KMT5A: variants seen among roughly 807,000 people sequenced by gnomAD.
KMT5A encodes lysine methyltransferase 5A.
In KMT5A, 6 loss-of-function variants were observed where a neutral mutation model predicts 40.6. That is an observed-to-expected ratio of 0.15 (90% confidence interval 0.08 to 0.29). KMT5A has a LOEUF of 0.29. Ranked by LOEUF, KMT5A falls within the 10% of genes least tolerant of loss-of-function variation. KMT5A has a pLI of 1.00. For synonymous variants in KMT5A, 153 were observed against 178.8 expected (o/e 0.86, Z 1.15); for missense variants, 308 against 459.1 (o/e 0.67, Z 3.01).
In KMT5A at chr12:123,400,464, A is replaced by C. The variant is rs566139403; in HGVS notation, c.598-3109A>C. On this transcript the variant is annotated intron_variant, in intron 5 of 7. Transcript: ENST00000402868. ...CAACCTCCACCTCCCAGGTTCAAGCAATTCTCCTGCCTCAACCTCCCAAGT... is the reference window on the plus strand; with the variant it reads ...CAACCTCCACCTCCCAGGTTCAAGCCATTCTCCTGCCTCAACCTCCCAAGT... 8.0e-4 allele frequency among the ~76,000 whole-genome samples: 119 copies of C among 149,490 alleles called. 2 individuals carry two copies. In the South Asian group the frequency reaches 0.025, roughly 31 times the overall value.
Position 123,404,800 on chromosome 12 carries a change from TA to T in KMT5A, c.658-82del. ...TCAGTACAGCTGTTAAAGACTGGGG[TA>T]AGCCCCAGCTCCCCGGAGACCTGCT... On this transcript the variant is annotated intron_variant, in intron 6 of 7. Transcript: ENST00000402868. The T allele has an allele frequency of 4.4e-6, 6 of 1,368,380 alleles. No individual in the cohort carries two copies. In the East Asian group the frequency reaches 1.4e-4, roughly 32 times the overall value. 84.8% of individuals were successfully genotyped at this position (1,368,380 alleles called of 1,614,324 possible). A position where few individuals can be genotyped will look rare whatever the true frequency, so the allele number is the denominator to read the frequency against.
intron 3 of KMT5A, among the ~76,000 whole-genome samples, chr12:123,394,387 G>A (rs1241260724): frequency 6.6e-6 from 1 of 152,168 alleles, no homozygotes; most frequent in East Asian, 1.9e-4. Flanking sequence ...ACAGGCAGGA[G>A]CCACTGTGTC....
At chr12:123,387,351 G>A (rs537060970) in intron 1 of KMT5A, among the ~76,000 whole-genome samples, 9 of 152,308 alleles carry the variant, frequency 5.9e-5, no homozygotes, top group Admixed American at 5.9e-4. Context: ...GGCGTGGGGT[G>A]TGGCTCGGTA....
In KMT5A at chr12:123,405,174, T is replaced by C. The variant is rs550354690; in HGVS notation, c.848+100T>C. ...TGATTCTGTTTGGTGGCCAGTCTTTTGGTTTTGTTGTTGTTGACTTTTTTT... is the reference window on the plus strand; with the variant it reads ...TGATTCTGTTTGGTGGCCAGTCTTTCGGTTTTGTTGTTGTTGACTTTTTTT... On this transcript the variant is annotated intron_variant, in intron 7 of 7. Transcript: ENST00000402868. 81 of 1,267,108 alleles carry C rather than the reference T, an allele frequency of 6.4e-5. No homozygotes were observed. The African/African-American group carries it at 8.9e-4, about 14-fold the overall frequency. The allele number at this position is 1,267,108 out of a possible 1,614,324, so 78.5% of individuals were successfully genotyped here. A position where few individuals can be genotyped will look rare whatever the true frequency, so the allele number is the denominator to read the frequency against.
At chr12:123,390,965 G>A in intron 3 of KMT5A, 179 bp downstream of exon 3, 1 of 663,728 alleles carries the variant, frequency 1.5e-6, no homozygotes, top group African/African-American at 1.8e-5. Flanking sequence ...GTGCCCTGTT[G>A]GTTTGACAGG....
chr12:123,388,902 GCCCCTACCAGC>G (rs1566072039), intron 1 of KMT5A: 1 of 145,934 alleles, frequency 6.9e-6, no homozygotes, highest in African/African-American at 2.5e-5. Context: ...TGGCGGCGCC[GCCCCTACCAGC>G]CCCCTCCCCG....
At chr12:123,393,386 A>G (rs770128454) in intron 3 of KMT5A, among the ~76,000 whole-genome samples, 1 of 151,938 alleles carries the variant, frequency 6.6e-6, no homozygotes, top group East Asian at 1.9e-4. Context: ...GTCCAAGGTA[A>G]CCATTAAAGT....
chr12:123,389,260 G>T (rs1338106558), intron 1 of KMT5A, 173 bp from the exon 2 acceptor site: 18 of 194,370 alleles, frequency 9.3e-5, no homozygotes, highest in Non-Finnish European at 1.3e-4. Context: ...GGAGGGCGAC[G>T]CGGGCTCCGG....
intron 7 of KMT5A, among the ~76,000 whole-genome samples, chr12:123,406,139 G>C (rs1317400911): frequency 1.3e-5 from 2 of 151,954 alleles, no homozygotes; most frequent in Non-Finnish European, 2.9e-5. Flanking sequence ...TTAATCTTTG[G>C]AATTGGAGCT....
At chr12:123,395,710 G>A (rs1877671481) in intron 4 of KMT5A, among the ~76,000 whole-genome samples, 1 of 151,714 alleles carries the variant, frequency 6.6e-6, no homozygotes, top group Non-Finnish European at 1.5e-5. Context: ...GATTACAGGT[G>A]CATGCCACCA....
chr12:123,389,630 T>C (rs1466908421), intron 2 of KMT5A, 76 bp downstream of exon 2: 2 of 935,930 alleles, frequency 2.1e-6, no homozygotes, highest in Non-Finnish European at 1.3e-6. Flanking sequence ...CGACCCCGGG[T>C]ACCCGCCCGG....
intron 1 of KMT5A, among the ~76,000 whole-genome samples, chr12:123,385,937 T>G (rs1242751448): frequency 1.3e-5 from 2 of 152,126 alleles, no homozygotes; most frequent in Non-Finnish European, 2.9e-5. Flanking sequence ...TCTTTACAAA[T>G]TGTTATTCTC....
intron 5 of KMT5A, among the ~76,000 whole-genome samples, chr12:123,400,287 G>A (rs983643822): frequency 5.3e-5 from 8 of 151,758 alleles, no homozygotes; most frequent in African/African-American, 1.5e-4. Flanking sequence ...CGCCCGCCTC[G>A]GCCTCCCAAA....
intron 3 of KMT5A, among the ~76,000 whole-genome samples, chr12:123,394,555 G>A (rs891228489): frequency 1.3e-5 from 2 of 152,206 alleles, no homozygotes; most frequent in African/African-American, 4.8e-5. Context: ...GAGAACTGCT[G>A]TGAACCTGGG....
Position 123,395,145 on chromosome 12 carries a change from C to G in KMT5A, c.388C>G (p.Gln130Glu), listed in dbSNP as rs371558123. The part of the protein sequence containing the change: ...RKGPLVPFPN[Q>E]KSEAAEPPKT... The stretch of plus-strand genomic sequence containing the variant: ...AGGTCCCCTGGTACCTTTTCCAAAC[C>G]AAAAATCTGAAGCAGCAGAACCTCC... The change falls in exon 4 of 8, where the codon CAA becomes GAA. Residue 130 changes from glutamine (Q) to glutamate (E), a missense_variant. Gln to Glu is a conservative substitution (Grantham distance 29). Around this residue, in one of 4 missense-constraint regions of KMT5A, gnomAD observed 127 missense variants for 129.8 expected, o/e 0.98. Coordinates refer to ENST00000402868, the MANE Select transcript of KMT5A (RefSeq NM_020382.7). 6.2e-7 allele frequency: 1 copy of G among 1,610,228 alleles called. No homozygotes were observed. Among genetic ancestry groups the G allele is most frequent in the South Asian group, 1.1e-5 (1 of 90,414 alleles).
At chr12:123,400,112 G>A (rs1300689213) in intron 5 of KMT5A, among the ~76,000 whole-genome samples, 1 of 151,972 alleles carries the variant, frequency 6.6e-6, no homozygotes, top group Middle Eastern at 3.2e-3. Flanking sequence ...GTGAGCCACT[G>A]AGCCCGGCCG....
intron 1 of KMT5A, among the ~76,000 whole-genome samples, chr12:123,385,214 A>T (rs542081553): frequency 6.6e-6 from 1 of 152,166 alleles, no homozygotes; most frequent in Admixed American, 6.6e-5. Flanking sequence ...AGTCAGTTGC[A>T]TCATCTATTC....
At chr12:123,389,032 C>G (rs1593454470) in intron 1 of KMT5A, 2 of 141,056 alleles carry the variant, frequency 1.4e-5, no homozygotes, top group Non-Finnish European at 3.1e-5. Flanking sequence ...CCGGGGCTGC[C>G]GCGGTGCGCG....
chr12:123,396,263 T>G (rs1460036617), intron 4 of KMT5A, 82 bp from the exon 5 acceptor site: 1 of 1,322,486 alleles, frequency 7.6e-7, no homozygotes, highest in Non-Finnish European at 1.1e-6. Flanking sequence ...GTGTGCCTCC[T>G]CGGTGTGTGC....
Sources: gnomAD v4.1 joint callset for allele counts (sites outside exome capture counted in the v4.1 genomes callset) on GRCh38, gnomAD v4.1.1 for gene constraint, gnomAD v4.1.1 regional missense constraint, MANE v1.5 for transcripts, NCBI Gene and HGNC (gene_info 2026-07-23, HGNC 2026-07-21) for gene names.